Variants in TNR observed in about 807,000 individuals in gnomAD.
TNR encodes tenascin R.
Under a neutral mutation model 150.4 loss-of-function variants are expected in TNR, and 45 were observed. The ratio of observed to expected loss-of-function variants is 0.30; its 90% CI spans 0.24 to 0.38. TNR has a LOEUF of 0.38. TNR is among the 10% of genes least tolerant of loss of function. The pLI, the probability that TNR is intolerant of heterozygous loss-of-function variation, is 1.00. For synonymous variants in TNR, 687 were observed against 678.4 expected (o/e 1.01, Z -0.20); for missense variants, 1,544 against 1,759.1 (o/e 0.88, Z 2.19).
chr1:175,418,802 T>C lies in TNR; in HGVS notation c.-63-12025A>G, dbSNP rs571385971. On this transcript the variant is annotated intron_variant, in intron 2 of 22. Coordinates refer to ENST00000367674, the MANE Select transcript of TNR (RefSeq NM_003285.3). Reference sequence around the variant, plus strand: ...TAGAAGGGCTTGGTTCCTGGGATAGTACAATGTAGGGGTGATTGTATTCAG... The same window carrying C: ...TAGAAGGGCTTGGTTCCTGGGATAGCACAATGTAGGGGTGATTGTATTCAG... Among the ~76,000 whole-genome samples, 6 of 152,188 alleles carry C rather than the reference T, an allele frequency of 3.9e-5. No homozygotes were observed. In the South Asian group the frequency reaches 1.0e-3, roughly 26 times the overall value.
intron 2 of TNR, among the ~76,000 whole-genome samples, chr1:175,416,039 A>G (rs193185301): frequency 6.6e-6 from 1 of 152,316 alleles, no homozygotes; most frequent in Non-Finnish European, 1.5e-5. Context: ...TGATAAATAG[A>G]AACCTAATTT....
intron 2 of TNR, among the ~76,000 whole-genome samples, chr1:175,494,960 G>T (rs77367059): frequency 6.6e-6 from 1 of 152,136 alleles, no homozygotes; most frequent in South Asian, 2.1e-4. Flanking sequence ...GGTCGGTCAT[G>T]GTCCTCTAGG....
chr1:175,628,912 G>A (rs919592679), intron 1 of TNR, among the ~76,000 whole-genome samples: 14 of 152,128 alleles, frequency 9.2e-5, no homozygotes, highest in African/African-American at 3.4e-4. Flanking sequence ...ACTTATCTCT[G>A]GGACTCTGTA....
intron 1 of TNR, among the ~76,000 whole-genome samples, chr1:175,603,386 CA>C (rs1450127426): frequency 1.3e-5 from 2 of 152,204 alleles, no homozygotes; most frequent in African/African-American, 2.4e-5. Context: ...TAAGAATTGA[CA>C]AAAACTTGAA....
intron 1 of TNR, among the ~76,000 whole-genome samples, chr1:175,697,629 T>C (rs1160758878): frequency 6.6e-6 from 1 of 152,208 alleles, no homozygotes; most frequent in Non-Finnish European, 1.5e-5. Context: ...TCTACCCCTG[T>C]GGACCTTTCC....
intron 1 of TNR, among the ~76,000 whole-genome samples, chr1:175,575,991 T>C (rs1662094788): frequency 6.6e-6 from 1 of 152,202 alleles, no homozygotes; most frequent in Admixed American, 6.5e-5. Flanking sequence ...ACATCCTCAT[T>C]TGGGGAGCTG....
Position 175,403,310 on chromosome 1 carries a change from T to A in TNR, c.806A>T (p.Asp269Val). ...GGCACATCTCCCCTTCCCCGAACAG[T>A]CCCCAGGGCACCTCAGTTCCCTGCA... ...EDCRELRCPG[D>V]CSGKGRCANG... Residue 269 changes from aspartate (D) to valine (V), a missense_variant, in exon 4 of 23, where the codon GAC becomes GTC. Coordinates refer to ENST00000367674, the MANE Select transcript of TNR (RefSeq NM_003285.3). The A allele has an allele frequency of 6.2e-7, 1 of 1,614,000 alleles. No individual in the cohort carries two copies. Among genetic ancestry groups the A allele is most frequent in the Non-Finnish European group, 8.5e-7 (1 of 1,180,000 alleles).
chr1:175,592,240 T>C (rs931588124), intron 1 of TNR, among the ~76,000 whole-genome samples: 5 of 152,230 alleles, frequency 3.3e-5, no homozygotes, highest in African/African-American at 1.2e-4. Context: ...TGCTCAACAA[T>C]TGTTAACTCG....
intron 1 of TNR, among the ~76,000 whole-genome samples, chr1:175,657,853 GTA>G (rs59315046): frequency 0.02 from 1,437 of 70,326 alleles, 83 homozygotes; most frequent in East Asian, 0.06. Context: ...CATGGAACAT[GTA>G]TATATATATA....
At chr1:175,345,679 G>T (rs186693870) in intron 18 of TNR, among the ~76,000 whole-genome samples, 38 of 152,098 alleles carry the variant, frequency 2.5e-4, no homozygotes, top group Admixed American at 1.6e-3. Flanking sequence ...CATTTAAAAA[G>T]CTAAGGTATT....
intron 2 of TNR, among the ~76,000 whole-genome samples, chr1:175,503,238 A>C (rs200103532): frequency 1.3e-5 from 2 of 152,216 alleles, no homozygotes; most frequent in Non-Finnish European, 2.9e-5. Context: ...GCATTCCAAC[A>C]GCAATGGGCC....
intron 1 of TNR, among the ~76,000 whole-genome samples, chr1:175,585,290 C>T (rs989626753): frequency 6.6e-6 from 1 of 152,206 alleles, no homozygotes; most frequent in Non-Finnish European, 1.5e-5. Context: ...AATGCAACTA[C>T]TCAAACTTAA....
chr1:175,683,677 C>T (rs1666106546), intron 1 of TNR, among the ~76,000 whole-genome samples: 1 of 151,980 alleles, frequency 6.6e-6, no homozygotes, highest in African/African-American at 2.4e-5. Flanking sequence ...CAAACACCTG[C>T]AGTGGGAGGG....
intron 7 of TNR, 95 bp downstream of exon 7, chr1:175,391,193 C>A: frequency 6.8e-7 from 1 of 1,473,004 alleles, no homozygotes; most frequent in Admixed American, 2.1e-5. Flanking sequence ...GAAATTCTAG[C>A]ACCTCTGTTG....
intron 1 of TNR, among the ~76,000 whole-genome samples, chr1:175,675,084 T>G (rs971517809): frequency 6.6e-6 from 1 of 152,188 alleles, no homozygotes; most frequent in African/African-American, 2.4e-5. Flanking sequence ...TGACATATAA[T>G]GTAGAAAGAT....
intron 1 of TNR, among the ~76,000 whole-genome samples, chr1:175,548,364 A>G (rs765030370): frequency 2.6e-4 from 40 of 151,380 alleles, no homozygotes; most frequent in Non-Finnish European, 3.5e-4. Context: ...CCCTGCTGCT[A>G]CTCTATCTAG....
At chr1:175,388,219 A>G (rs1040026587) in intron 7 of TNR, among the ~76,000 whole-genome samples, 2 of 152,286 alleles carry the variant, frequency 1.3e-5, no homozygotes, top group East Asian at 1.9e-4. Flanking sequence ...TTCTTTATCC[A>G]TGAGAAAGAA....
intron 1 of TNR, among the ~76,000 whole-genome samples, chr1:175,606,779 T>A (rs1333435267): frequency 6.6e-6 from 1 of 152,174 alleles, no homozygotes; most frequent in African/African-American, 2.4e-5. Context: ...GGGGTTTGCA[T>A]TCCACCATCC....
intron 18 of TNR, among the ~76,000 whole-genome samples, chr1:175,346,844 G>A: frequency 6.6e-6 from 1 of 151,184 alleles, no homozygotes. Context: ...GTGCCCAGGT[G>A]GTTTTAGTGA....
Sources: allele counts gnomAD v4.1 joint callset (sites outside exome capture counted in the v4.1 genomes callset), GRCh38; gene constraint gnomAD v4.1.1; transcripts MANE v1.5; gene names NCBI Gene and HGNC (gene_info 2026-07-23, HGNC 2026-07-21).